The following SLC11A2 variants were observed in gnomAD, a reference collection of about 807,000 sequenced individuals.
The protein encoded by SLC11A2 is natural resistance-associated macrophage protein 2.
Under a neutral mutation model 68.0 loss-of-function variants are expected in SLC11A2, and 38 were observed. The ratio of observed to expected loss-of-function variants is 0.56; its 90% confidence interval spans 0.43 to 0.73. The LOEUF (loss-of-function observed/expected upper bound fraction) is 0.73, where lower values mean the gene tolerates loss of function less well. SLC11A2 is among the 30% of genes least tolerant of loss of function. The pLI is 0.00. For synonymous variants in SLC11A2, 242 were observed against 250.6 expected, an observed-to-expected ratio of 0.97 and a Z score of 0.32; for missense variants, 517 against 690.5, an observed-to-expected ratio of 0.75 and a Z score of 2.82.
the SLC11A2 span, among the ~76,000 whole-genome samples, chr12:50,965,581 C>T: frequency 3.9e-5 from 6 of 152,138 alleles, no homozygotes; most frequent in East Asian, 9.6e-4. Context: ...GGTTCAGTGA[C>T]CCACCAGGCT....
intron 1 of SLC11A2, among the ~76,000 whole-genome samples, chr12:51,012,961 A>G (rs1219768444): frequency 3.9e-5 from 6 of 152,244 alleles, no homozygotes; most frequent in Non-Finnish European, 4.4e-5. Flanking sequence ...TTCCAATCAC[A>G]GCACAGCCCC....
At chr12:51,027,175 T>TA (rs35801453), upstream of SLC11A2, among the ~76,000 whole-genome samples, 4,176 of 141,822 alleles carry the variant, frequency 0.029, 94 homozygotes, top group African/African-American at 0.064. Flanking sequence ...AAACTCCGTC[T>TA]AAAAAAAAAA....
At chr12:51,011,268 A>G (rs28675062) in intron 1 of SLC11A2, among the ~76,000 whole-genome samples, 3 of 151,606 alleles carry the variant, frequency 2.0e-5, no homozygotes, top group African/African-American at 7.3e-5. Flanking sequence ...AGCTGGGATT[A>G]CAGGTGCCCG....
chr12:51,026,456 T>G, upstream of SLC11A2: 1 of 836,332 alleles, frequency 1.2e-6, no homozygotes, highest in Non-Finnish European at 1.7e-6. Context: ...CTGGAGTCCC[T>G]GCAGCGGCCG....
the SLC11A2 span, among the ~76,000 whole-genome samples, chr12:50,957,264 G>A: frequency 6.6e-6 from 1 of 150,892 alleles, no homozygotes. Context: ...AGGCTGGAGC[G>A]CAATAGCACA....
chr12:50,975,021 A>ACTCC (rs1372451723), downstream of SLC11A2, among the ~76,000 whole-genome samples: 1 of 152,118 alleles, frequency 6.6e-6, no homozygotes, highest in East Asian at 1.9e-4. Context: ...AGAGACTTAG[A>ACTCC]CTCCCACACA....
Position 51,026,370 on chromosome 12 carries a change from A to G in SLC11A2, c.-99T>C, listed in dbSNP as rs1566050793. On this transcript the variant is annotated 5_prime_UTR_variant, in exon 1 of 16. Coordinates refer to ENST00000262052, the MANE Select transcript of SLC11A2 (RefSeq NM_000617.3). ...CGCGCCCAGGGCTCCATATTCCGGG[A>G]GCCAGCGCCACGCTGGCTAACGCCC... 1.6e-6 allele frequency: 2 copies of G among 1,281,888 alleles called. No homozygotes were observed. Among genetic ancestry groups the G allele is most frequent in the Non-Finnish European group, 2.0e-6 (2 of 984,552 alleles). The allele number at this position is 1,281,888 out of a possible 1,614,324, so 79.4% of individuals were successfully genotyped here.
chr12:51,021,912 T>G (rs1388389213), intron 1 of SLC11A2, among the ~76,000 whole-genome samples: 1 of 152,130 alleles, frequency 6.6e-6, no homozygotes, highest in Non-Finnish European at 1.5e-5. Context: ...CAAGGAGTAC[T>G]TATCTTTTAA....
At chr12:51,025,751 C>T in intron 1 of SLC11A2, 1 of 985,638 alleles carries the variant, frequency 1.0e-6, no homozygotes, top group Non-Finnish European at 1.2e-6. Flanking sequence ...GCTACACAAA[C>T]AGCCTTAAAA....
chr12:50,963,387 A>G, the SLC11A2 span, among the ~76,000 whole-genome samples: 3 of 149,526 alleles, frequency 2.0e-5, no homozygotes, highest in Non-Finnish European at 3.0e-5. Context: ...AAAAAAAAAA[A>G]AAAAAAGAAA....
downstream of SLC11A2, among the ~76,000 whole-genome samples, chr12:50,978,011 T>G (rs1939872315): frequency 6.6e-6 from 1 of 152,172 alleles, no homozygotes; most frequent in African/African-American, 2.4e-5. Context: ...CTAGAGAGGA[T>G]GCAGAGAAAT....
At chr12:50,959,370 T>C in the SLC11A2 span, among the ~76,000 whole-genome samples, 4 of 152,300 alleles carry the variant, frequency 2.6e-5, no homozygotes, top group African/African-American at 9.6e-5. Context: ...TCCACCTGCA[T>C]TGGCCTCCCA....
At position 51,010,741 on chromosome 12, in the gene SLC11A2, A is replaced by C; in HGVS notation, c.-13T>G. 1 of 1,604,908 alleles carries C rather than the reference A, an allele frequency of 6.2e-7. No individual in the cohort carries two copies. The highest frequency in any genetic ancestry group is 8.5e-7 in the Non-Finnish European group (1 of 1,172,562). ...GACCCAGCACCATGGTGGATACCTG[A>C]GTGGCTGAGTTCTTAGAATATGATT... On this transcript the variant is annotated 5_prime_UTR_variant, in exon 2 of 16. Transcript: ENST00000262052.
At chr12:50,973,381 G>C in the SLC11A2 span, among the ~76,000 whole-genome samples, 2 of 152,162 alleles carry the variant, frequency 1.3e-5, no homozygotes, top group African/African-American at 4.8e-5. Flanking sequence ...AGGCAAAAAG[G>C]GTCTGGAGTG....
At chr12:51,004,661 C>CT in intron 5 of SLC11A2, 127 bp downstream of exon 5, 1 of 963,740 alleles carries the variant, frequency 1.0e-6, no homozygotes, top group Non-Finnish European at 1.6e-6. Context: ...TTGGTACCGT[C>CT]TGTCTTCAGG....
In SLC11A2 at chr12:50,999,167, C is replaced by G; in HGVS notation, c.675+7G>C. 2 of 1,604,340 alleles carry G rather than the reference C, an allele frequency of 1.2e-6. No individual in the cohort carries two copies. Among genetic ancestry groups the G allele is most frequent in the Non-Finnish European group, 1.7e-6 (2 of 1,171,552 alleles). ...TAAGAAGCTAATGAATATCCTGTAC[C>G]ACTTGCCTCATATCCAAATGTGAGG... On this transcript the variant is annotated splice_region_variant and intron_variant, in intron 8 of 15. Transcript: ENST00000262052.
chr12:50,997,924 T>C (rs1189016030), intron 8 of SLC11A2, among the ~76,000 whole-genome samples: 3 of 147,656 alleles, frequency 2.0e-5, no homozygotes, highest in Admixed American at 6.8e-5. Flanking sequence ...GGGGTGGAAG[T>C]TGCAGTGAGC....
chr12:50,970,406 T>C, the SLC11A2 span: 2 of 1,041,450 alleles, frequency 1.9e-6, no homozygotes, highest in African/African-American at 1.6e-5. Flanking sequence ...TTGTTTCCCA[T>C]GGATACTCAA....
intron 15 of SLC11A2, chr12:50,990,544 G>A: frequency 2.2e-6 from 1 of 461,158 alleles, no homozygotes; most frequent in Non-Finnish European, 3.9e-6. Flanking sequence ...ATCACCTGGA[G>A]GTAGATTGTT....
Sources: allele counts gnomAD v4.1 joint callset (sites outside exome capture counted in the v4.1 genomes callset), GRCh38; gene constraint gnomAD v4.1.1; transcripts MANE v1.5; gene names NCBI Gene and HGNC (gene_info 2026-07-23, HGNC 2026-07-21).